The following FBN2 variants were observed in gnomAD, a reference collection of about 807,000 sequenced individuals.
The protein encoded by FBN2 is fibrillin 2.
FBN2 carries 105 observed loss-of-function variants against 355.6 expected under a neutral mutation model. That is an observed-to-expected ratio of 0.30 (90% CI 0.25 to 0.35). FBN2 has a LOEUF of 0.35. Ranked by LOEUF, FBN2 falls within the 10% of genes least tolerant of loss-of-function variation. The probability of loss-of-function intolerance (pLI) is 1.00; values close to 1 mark genes in which losing one functional copy is unlikely to be tolerated. For missense variants in FBN2, 3,280 were observed against 3,758.7 expected (o/e 0.87, Z 3.33); for synonymous variants, 1,350 against 1,301.2 (o/e 1.04, Z -0.81).
chr5:128,368,548 G>A (rs557735931), intron 16 of FBN2, among the ~76,000 whole-genome samples: 1 of 149,038 alleles, frequency 6.7e-6, no homozygotes, highest in Non-Finnish European at 1.5e-5. Flanking sequence ...AACCTTGAAA[G>A]TGGTAAGTAA....
intron 25 of FBN2, among the ~76,000 whole-genome samples, chr5:128,339,577 G>A (rs1454240320): frequency 6.6e-6 from 1 of 152,082 alleles, no homozygotes; most frequent in Non-Finnish European, 1.5e-5. Flanking sequence ...GGGACAACCT[G>A]TCTCAAAAAA....
At chr5:128,268,154 G>T (rs749022114) in intron 62 of FBN2, among the ~76,000 whole-genome samples, 6 of 151,694 alleles carry the variant, frequency 4.0e-5, no homozygotes, top group Admixed American at 1.3e-4. Flanking sequence ...GAACAGAGAA[G>T]AATCAAATAG....
intron 41 of FBN2, 102 bp from the exon 42 acceptor site, chr5:128,307,305 CA>C: frequency 1.3e-6 from 1 of 775,874 alleles, no homozygotes; most frequent in Non-Finnish European, 2.3e-6. Flanking sequence ...ACATTATTCA[CA>C]ACCAGACATT....
intron 7 of FBN2, among the ~76,000 whole-genome samples, chr5:128,435,096 T>C (rs939567733): frequency 6.6e-5 from 10 of 152,156 alleles, no homozygotes; most frequent in Non-Finnish European, 1.5e-4. Context: ...GGGAAATTTT[T>C]CCTGAATCCA....
chr5:128,448,637 T>C (rs975008078), intron 6 of FBN2, among the ~76,000 whole-genome samples: 9 of 152,300 alleles, frequency 5.9e-5, no homozygotes, highest in East Asian at 1.9e-4. Flanking sequence ...TTGTCTTGTA[T>C]TGTAAAGGAA....
At chr5:128,505,427 G>T (rs1007545556) in intron 5 of FBN2, among the ~76,000 whole-genome samples, 2 of 152,116 alleles carry the variant, frequency 1.3e-5, no homozygotes, top group African/African-American at 4.8e-5. Flanking sequence ...TTATACAAAA[G>T]GAGAAACAAT....
At chr5:128,536,741 G>A (rs547869474) in intron 1 of FBN2, among the ~76,000 whole-genome samples, 1 of 152,256 alleles carries the variant, frequency 6.6e-6, no homozygotes, top group African/African-American at 2.4e-5. Flanking sequence ...GGCGAAAAGA[G>A]GCATGGAAAC....
At chr5:128,333,107 T>A in intron 31 of FBN2, 73 bp from the exon 32 acceptor site, 2 of 1,337,150 alleles carry the variant, frequency 1.5e-6, no homozygotes, top group Non-Finnish European at 2.1e-6. Flanking sequence ...TATATTTTTG[T>A]ATAGGTAACA....
In FBN2 at chr5:128,274,609, T is replaced by C; in HGVS notation, c.7669A>G (p.Lys2557Glu). The change falls in exon 60 of 65, where the codon AAA becomes GAA. Residue 2557 changes from lysine (K) to glutamate (E), a missense_variant. Lys to Glu is a moderately conservative substitution (Grantham distance 56). Around this residue, in one of 6 missense-constraint regions of FBN2, gnomAD observed 2,284 missense variants for 2,749.5 expected, o/e 0.83. Transcript: ENST00000262464. Reference sequence around the variant, plus strand: ...TGCTGTGTGAAACCAGGTGGACATTTACAGGTAAACCCCCCCAGGGTGTTG... The same window carrying C: ...TGCTGTGTGAAACCAGGTGGACATTCACAGGTAAACCCCCCCAGGGTGTTG... ...CVNTLGGFTC[K>E]CPPGFTQHHT... 1.9e-6 allele frequency: 3 copies of C among 1,613,150 alleles called. No individual in the cohort carries two copies. The highest frequency in any genetic ancestry group is 2.5e-6 in the Non-Finnish European group (3 of 1,179,110).
At chr5:128,388,039 ATG>A (rs1399912926) in intron 11 of FBN2, among the ~76,000 whole-genome samples, 2 of 152,140 alleles carry the variant, frequency 1.3e-5, no homozygotes, top group African/African-American at 4.8e-5. Flanking sequence ...TGTTGGGTGC[ATG>A]TATGTTTAGG....
At chr5:128,310,428 A>C in intron 39 of FBN2, among the ~76,000 whole-genome samples, 1 of 132,110 alleles carries the variant, frequency 7.6e-6, no homozygotes, top group African/African-American at 2.9e-5. Flanking sequence ...TTTTATTGCA[A>C]TTCGCATTCT....
chr5:128,505,621 C>G (rs908445756), intron 5 of FBN2, among the ~76,000 whole-genome samples: 1 of 152,148 alleles, frequency 6.6e-6, no homozygotes, highest in Non-Finnish European at 1.5e-5. Flanking sequence ...ATTGTTCTAT[C>G]CTGCCTATCC....
chr5:128,496,464 T>C (rs1268297938), intron 5 of FBN2, among the ~76,000 whole-genome samples: 1 of 152,134 alleles, frequency 6.6e-6, no homozygotes, highest in East Asian at 1.9e-4. Flanking sequence ...ACAAGTTTCA[T>C]AATAAAAACA....
rs1369338901 is a variant in FBN2 at position 128,328,829 on chromosome 5, A to G, written c.4346-8T>C. The G allele has an allele frequency of 1.2e-6, 2 of 1,614,170 alleles. No homozygotes were observed. The highest frequency in any genetic ancestry group is 4.5e-5 in the East Asian group (2 of 44,878). On this transcript the variant is annotated splice_region_variant and splice_polypyrimidine_tract_variant and intron_variant, in intron 33 of 64. Transcript: ENST00000262464. ...CTGCACACTCATCAACATCTGTGCA[A>G]AAAAGCAAATTACATCTCTGTTAAG...
chr5:128,519,781 C>G (rs1005436873), intron 4 of FBN2, among the ~76,000 whole-genome samples: 1 of 150,984 alleles, frequency 6.6e-6, no homozygotes, highest in Admixed American at 6.6e-5. Flanking sequence ...AGAGGCCGAT[C>G]CCGGTAGCAC....
At chr5:128,522,930 G>A (rs1043325792) in intron 4 of FBN2, among the ~76,000 whole-genome samples, 3 of 152,170 alleles carry the variant, frequency 2.0e-5, no homozygotes, top group Non-Finnish European at 4.4e-5. Flanking sequence ...ACAGATAGAA[G>A]TATGAGCTGG....
chr5:128,464,671 A>G (rs1581320013), intron 6 of FBN2, 53 bp downstream of exon 6: 2 of 1,588,994 alleles, frequency 1.3e-6, no homozygotes, highest in South Asian at 2.2e-5. Flanking sequence ...AACTCCAACA[A>G]AAAGAGAAGT....
At chr5:128,316,406 G>T (rs1750203374) in intron 36 of FBN2, among the ~76,000 whole-genome samples, 1 of 152,158 alleles carries the variant, frequency 6.6e-6, no homozygotes, top group African/African-American at 2.4e-5. Context: ...CCTACGAAAG[G>T]TTCCAATAGA....
intron 5 of FBN2, among the ~76,000 whole-genome samples, chr5:128,472,427 G>T (rs1754886459): frequency 6.6e-6 from 1 of 152,142 alleles, no homozygotes; most frequent in Non-Finnish European, 1.5e-5. Context: ...AAGATAAAAA[G>T]ACTTCTGTGG....
Sources: gnomAD v4.1 joint callset for allele counts (sites outside exome capture counted in the v4.1 genomes callset) on GRCh38, gnomAD v4.1.1 for gene constraint, gnomAD v4.1.1 regional missense constraint, MANE v1.5 for transcripts, NCBI Gene and HGNC (gene_info 2026-07-23, HGNC 2026-07-21) for gene names.